The following ALK variants were observed in gnomAD, a reference collection of about 807,000 sequenced individuals.
ALK encodes ALK tyrosine kinase receptor.
In ALK, 74 loss-of-function variants were observed where a neutral mutation model predicts 163.1. That is an observed-to-expected ratio of 0.45 (90% confidence interval 0.38 to 0.55). ALK has a LOEUF of 0.55. Ranked by LOEUF, ALK falls within the 20% of genes least tolerant of loss-of-function variation. The probability of loss-of-function intolerance (pLI) is 0.00; values close to 1 mark genes in which losing one functional copy is unlikely to be tolerated. For missense variants in ALK, 2,063 were observed against 2,105.3 expected, an observed-to-expected ratio of 0.98 and a Z score of 0.39; for synonymous variants, 960 against 843.2, an observed-to-expected ratio of 1.14 and a Z score of -2.40.
intron 1 of ALK, among the ~76,000 whole-genome samples, chr2:29,866,874 C>G (rs1031751955): frequency 3.3e-5 from 5 of 152,164 alleles, no homozygotes; most frequent in African/African-American, 1.2e-4. Flanking sequence ...TCGGTTCCCT[C>G]CCTATAATCT....
chr2:29,688,708 G>A (rs1412573372), intron 3 of ALK, among the ~76,000 whole-genome samples: 2 of 152,152 alleles, frequency 1.3e-5, no homozygotes, highest in Non-Finnish European at 2.9e-5. Context: ...GTCTGTGTCT[G>A]TGTGTGTGAT....
intron 28 of ALK, among the ~76,000 whole-genome samples, chr2:29,195,557 C>T (rs1669001316): frequency 6.6e-6 from 1 of 152,008 alleles, no homozygotes; most frequent in African/African-American, 2.4e-5. Context: ...AATGGTGAAA[C>T]ACCATCTCTA....
chr2:29,451,758 T>C (rs1670825302), intron 4 of ALK, among the ~76,000 whole-genome samples: 1 of 152,190 alleles, frequency 6.6e-6, no homozygotes, highest in African/African-American at 2.4e-5. Context: ...CTCCTAAACT[T>C]GAAGTTCCTG....
intron 3 of ALK, among the ~76,000 whole-genome samples, chr2:29,569,459 C>T (rs952175787): frequency 6.6e-6 from 1 of 152,142 alleles, no homozygotes; most frequent in Admixed American, 6.5e-5. Context: ...GGGTTGGATA[C>T]TTACATGTAC....
At chr2:29,213,606 C>T (rs1236729555) in intron 24 of ALK, among the ~76,000 whole-genome samples, 1 of 152,152 alleles carries the variant, frequency 6.6e-6, no homozygotes, top group Non-Finnish European at 1.5e-5. Flanking sequence ...TATAGGTCTC[C>T]AGCCCTGGCG....
At chr2:29,250,299 A>G (rs1167771589) in intron 12 of ALK, among the ~76,000 whole-genome samples, 1 of 152,202 alleles carries the variant, frequency 6.6e-6, no homozygotes, top group Non-Finnish European at 1.5e-5. Flanking sequence ...CAGTGTCCTC[A>G]TTTGTAAAAC....
chr2:29,655,421 AT>A (rs1677157716), intron 3 of ALK, among the ~76,000 whole-genome samples: 1 of 152,170 alleles, frequency 6.6e-6, no homozygotes, highest in Admixed American at 6.5e-5. Context: ...TTTCCAAGCC[AT>A]TTTTTGGGGG....
intron 3 of ALK, among the ~76,000 whole-genome samples, chr2:29,559,762 CATGTACGT>C (rs898995355): frequency 5.3e-5 from 4 of 75,282 alleles, no homozygotes; most frequent in Non-Finnish European, 1.3e-4. Context: ...CACAGGGGAG[CATGTACGT>C]GTGTGTGTGT....
intron 1 of ALK, among the ~76,000 whole-genome samples, chr2:29,794,567 C>T (rs767947425): frequency 6.6e-6 from 1 of 152,116 alleles, no homozygotes; most frequent in Non-Finnish European, 1.5e-5. Context: ...AAGTGAGAGA[C>T]ATACTACTCT....
chr2:29,536,806 G>C (rs1673269423), intron 3 of ALK, among the ~76,000 whole-genome samples: 1 of 152,196 alleles, frequency 6.6e-6, no homozygotes, highest in African/African-American at 2.4e-5. Context: ...GTATCAAATG[G>C]AAATAAAAAA....
intron 4 of ALK, among the ~76,000 whole-genome samples, chr2:29,499,671 C>A (rs1178803322): frequency 6.6e-6 from 1 of 152,118 alleles, no homozygotes; most frequent in Non-Finnish European, 1.5e-5. Flanking sequence ...ATCCAAACCC[C>A]AGCTCTCCTC....
chr2:29,320,979 T>C, intron 6 of ALK, 97 bp from the exon 7 acceptor site: 1 of 1,450,044 alleles, frequency 6.9e-7, no homozygotes, highest in South Asian at 1.1e-5. Context: ...CCAAATTATC[T>C]TCATTAGTAA....
At chr2:29,773,873 G>C (rs77026737) in intron 1 of ALK, among the ~76,000 whole-genome samples, 3,087 of 152,284 alleles carry the variant, frequency 0.02, 106 homozygotes, top group African/African-American at 0.069. Flanking sequence ...TAATGTGAAG[G>C]CTTCTTTCAA....
At position 29,239,724 on chromosome 2, in the gene ALK, G is replaced by A. The variant is rs2148188708; in HGVS notation, c.2311C>T (p.Leu771=). ...CCCTGCTGCCCAACCAGGATGTACA[G>A]CATGTCATCCTTCTCCAGGTTGAAG... ...GIFNLEKDDM[L]YILVGQQGED... is the part of the protein sequence containing the mutation. Residue 771 remains leucine, a synonymous_variant, in exon 13 of 29, where the codon CTG becomes TTG. Transcript: ENST00000389048. The A allele has an allele frequency of 1.2e-6, 2 of 1,614,058 alleles. No individual in the cohort carries two copies. The highest frequency in any genetic ancestry group is 8.5e-7 in the Non-Finnish European group (1 of 1,180,036).
intron 3 of ALK, among the ~76,000 whole-genome samples, chr2:29,597,061 C>T (rs1400927523): frequency 6.6e-6 from 1 of 152,210 alleles, no homozygotes; most frequent in Non-Finnish European, 1.5e-5. Flanking sequence ...GCATCCCCCA[C>T]TTTGAAACAG....
At chr2:29,836,818 G>T (rs1665573935) in intron 1 of ALK, among the ~76,000 whole-genome samples, 1 of 152,194 alleles carries the variant, frequency 6.6e-6, no homozygotes, top group Admixed American at 6.5e-5. Flanking sequence ...GGAGCTCTTA[G>T]GTAATCCATG....
At chr2:29,663,608 A>T (rs767373564) in intron 3 of ALK, among the ~76,000 whole-genome samples, 2 of 152,176 alleles carry the variant, frequency 1.3e-5, no homozygotes, top group Non-Finnish European at 2.9e-5. Flanking sequence ...TCACAGTTGT[A>T]TTGTGTGTCT....
chr2:29,397,366 T>A (rs1265073314), intron 4 of ALK, among the ~76,000 whole-genome samples: 1 of 152,130 alleles, frequency 6.6e-6, no homozygotes, highest in Non-Finnish European at 1.5e-5. Flanking sequence ...AGAAGCACAG[T>A]GGCATGGAAG....
At chr2:29,660,065 TG>T (rs1470183317) in intron 3 of ALK, among the ~76,000 whole-genome samples, 1 of 152,224 alleles carries the variant, frequency 6.6e-6, no homozygotes, top group African/African-American at 2.4e-5. Flanking sequence ...TGTACAATTT[TG>T]GAAGGAAGCC....
Sources: allele counts gnomAD v4.1 joint callset (sites outside exome capture counted in the v4.1 genomes callset), GRCh38; gene constraint gnomAD v4.1.1; transcripts MANE v1.5; gene names NCBI Gene and HGNC (gene_info 2026-07-23, HGNC 2026-07-21).